Variants in ZNF66 observed in about 807,000 individuals in gnomAD.
ZNF66 encodes zinc finger protein 66, also known as putative zinc finger protein 66.
In ZNF66, 32 loss-of-function variants were observed where a neutral mutation model predicts 35.2. The observed-to-expected ratio is 0.91, with a 90% CI of 0.69 to 1.22. The LOEUF is 1.22. Ranked by LOEUF, ZNF66 falls within the 50% of genes most tolerant of loss-of-function variation. The pLI, the probability that ZNF66 is intolerant of heterozygous loss-of-function variation, is 0.00. For synonymous variants in ZNF66, 231 were observed against 181.3 expected, an observed-to-expected ratio of 1.27 and a Z score of -2.20; for missense variants, 666 against 543.1, an observed-to-expected ratio of 1.23 and a Z score of -2.25.
chr19:20,799,103 C>T (rs1292674698), intron 3 of ZNF66: 1 of 140,112 alleles, frequency 7.1e-6, no homozygotes, highest in Admixed American at 7.3e-5. Context: ...GCTCTGTTGC[C>T]CAGGCTAAAG....
chr19:20,779,347 G>A (rs912151257), intron 1 of ZNF66, among the ~76,000 whole-genome samples: 1 of 152,116 alleles, frequency 6.6e-6, no homozygotes, highest in Non-Finnish European at 1.5e-5. Flanking sequence ...TAAGAAAGGA[G>A]GTGGGAGGTG....
In ZNF66 at chr19:20,806,431, A is replaced by T. The variant is rs766428115; in HGVS notation, c.831A>T (p.Arg277Ser). 21 of 1,558,254 alleles carry T rather than the reference A, an allele frequency of 1.3e-5. 1 individual carries two copies. In the South Asian group the frequency reaches 2.2e-4, roughly 16 times the overall value. ...KRSSILTTHK[R>S]IHTGEKPYKC... ...CCTCTATCCTTACTACACATAAGAG[A>T]ATTCATACTGGAGAGAAACCCTACA... is the stretch of plus-strand genomic sequence containing the variant. Residue 277 changes from arginine to serine, a missense_variant, in exon 4 of 4, where the codon AGA becomes AGT. Arg to Ser is a moderately radical substitution (Grantham distance 110). Coordinates refer to ENST00000344519, the MANE Select transcript of ZNF66 (RefSeq NM_001355197.2).
chr19:20,801,560 A>T (rs544664235), intron 3 of ZNF66, among the ~76,000 whole-genome samples: 1 of 152,110 alleles, frequency 6.6e-6, no homozygotes, highest in South Asian at 2.1e-4. Context: ...GGCCAGGCTC[A>T]TCTTGAACTC....
chr19:20,780,186 G>A (rs1022482282), intron 1 of ZNF66, among the ~76,000 whole-genome samples: 12 of 152,152 alleles, frequency 7.9e-5, no homozygotes, highest in African/African-American at 2.7e-4. Context: ...GTCTGCCTGT[G>A]TGATAGGTAA....
chr19:20,796,663 A>G (rs1035358858), intron 3 of ZNF66, among the ~76,000 whole-genome samples: 2 of 152,154 alleles, frequency 1.3e-5, no homozygotes, highest in African/African-American at 4.8e-5. Flanking sequence ...AAAATACCAT[A>G]TATTTAAAAC....
intron 3 of ZNF66, among the ~76,000 whole-genome samples, chr19:20,801,684 G>T (rs1971448849): frequency 6.6e-6 from 1 of 151,928 alleles, no homozygotes; most frequent in African/African-American, 2.4e-5. Context: ...TGTCAACCAG[G>T]CTGATTTGCA....
At chr19:20,781,345 G>A (rs1006670673) in intron 1 of ZNF66, among the ~76,000 whole-genome samples, 1 of 152,048 alleles carries the variant, frequency 6.6e-6, no homozygotes, top group African/African-American at 2.4e-5. Context: ...ACTAAGCATA[G>A]CACCAAACAG....
rs1169204400 is a variant in ZNF66, at chr19:20,801,432, C to T, written c.227-4395C>T. Reference sequence around the variant, plus strand: ...AATCTCAGCTCACTGCAATCTTCACCTCCTGGGTTCAAGTGATTCTCCTGC... The same window carrying T: ...AATCTCAGCTCACTGCAATCTTCACTTCCTGGGTTCAAGTGATTCTCCTGC... On this transcript the variant is annotated intron_variant, in intron 3 of 3. Coordinates refer to ENST00000344519, the MANE Select transcript of ZNF66 (RefSeq NM_001355197.2). 5.3e-5 allele frequency among the ~76,000 whole-genome samples: 8 copies of T among 151,976 alleles called. No individual in the cohort carries two copies. The East Asian group carries it at 5.8e-4, about 11-fold the overall frequency.
chr19:20,792,122 T>G (rs1009286797), intron 1 of ZNF66, among the ~76,000 whole-genome samples: 3 of 151,968 alleles, frequency 2.0e-5, no homozygotes, highest in African/African-American at 7.3e-5. Flanking sequence ...ATTCCAGATC[T>G]TCTGGAAAAA....
intron 1 of ZNF66, among the ~76,000 whole-genome samples, chr19:20,781,886 A>G (rs1971248834): frequency 6.6e-6 from 1 of 151,988 alleles, no homozygotes. Context: ...TTTAATGGCC[A>G]CAGAGTATTC....
At chr19:20,791,531 G>C (rs1299721043) in intron 1 of ZNF66, among the ~76,000 whole-genome samples, 1 of 148,810 alleles carries the variant, frequency 6.7e-6, no homozygotes, top group Non-Finnish European at 1.5e-5. Flanking sequence ...AAATGTGATG[G>C]CATTTATTAC....
At chr19:20,781,990 G>C (rs1449955862) in intron 1 of ZNF66, among the ~76,000 whole-genome samples, 1 of 152,104 alleles carries the variant, frequency 6.6e-6, no homozygotes, top group African/African-American at 2.4e-5. Flanking sequence ...AGGCCAGAGT[G>C]CCATGGCGTG....
In ZNF66 at chr19:20,808,061, C is replaced by G. The variant is rs1265395859; in HGVS notation, c.*739C>G. Among the ~76,000 whole-genome samples the G allele has an allele frequency of 6.6e-6, 1 of 152,146 alleles. No individual in the cohort carries two copies. Among genetic ancestry groups the G allele is most frequent in the Admixed American group, 6.5e-5 (1 of 15,284 alleles). On this transcript the variant is annotated 3_prime_UTR_variant, in exon 4 of 4. Transcript: ENST00000344519. Reference sequence around the variant, plus strand: ...AAAAAATGGCACACCAGATTATATCCTGCAGCTGGCTCAGAGGGTCCTATG... The same window carrying G: ...AAAAAATGGCACACCAGATTATATCGTGCAGCTGGCTCAGAGGGTCCTATG...
rs141742995 is a variant in ZNF66 at position 20,808,444 on chromosome 19, A to T, written c.*1122A>T. ...CCCGAGCAGCCTAACTGGGAGGCACACCCCAGTAGGGGCAGACTGACACTT... is the reference window on the plus strand; with the variant it reads ...CCCGAGCAGCCTAACTGGGAGGCACTCCCCAGTAGGGGCAGACTGACACTT... On this transcript the variant is annotated 3_prime_UTR_variant, in exon 4 of 4. Transcript: ENST00000344519. 6.6e-6 allele frequency among the ~76,000 whole-genome samples: 1 copy of T among 152,112 alleles called. No homozygotes were observed. Among genetic ancestry groups the T allele is most frequent in the Non-Finnish European group, 1.5e-5 (1 of 68,016 alleles).
intron 3 of ZNF66, among the ~76,000 whole-genome samples, chr19:20,795,038 CT>C (rs1262319305): frequency 6.6e-6 from 1 of 151,524 alleles, no homozygotes; most frequent in Non-Finnish European, 1.5e-5. Context: ...CACCCAGCTA[CT>C]TTTTTGTATT....
Position 20,799,061 on chromosome 19 carries a change from C to CTTTTTTTTTTTTTTTTTTTTTTT in ZNF66, c.226+5186_226+5187insTTTTTTTTTTTTTTTTTTTTTTT, listed in dbSNP as rs374547894. On this transcript the variant is annotated intron_variant, in intron 3 of 3. Coordinates refer to ENST00000344519, the MANE Select transcript of ZNF66 (RefSeq NM_001355197.2). ...TTTCTTTCTTTCTTTCTTTTTCTTT[C>CTTTTTTTTTTTTTTTTTTTTTTT]TTTCTTTTTTTTTTTTTTGAGATGG... 5.1e-5 allele frequency: 6 copies of CTTTTTTTTTTTTTTTTTTTTTTT among 116,702 alleles called. 1 individual carries two copies. Among genetic ancestry groups the CTTTTTTTTTTTTTTTTTTTTTTT allele is most frequent in the Non-Finnish European group, 5.5e-5 (3 of 54,790 alleles). 7.2% of individuals were successfully genotyped at this position (116,702 alleles called of 1,614,324 possible). A position where few individuals can be genotyped will look rare whatever the true frequency, so the allele number is the denominator to read the frequency against.
In ZNF66 at chr19:20,806,207, T is replaced by G; in HGVS notation, c.607T>G (p.Cys203Gly). The G allele has an allele frequency of 3.7e-6, 5 of 1,364,542 alleles. No individual in the cohort carries two copies. The highest frequency in any genetic ancestry group is 4.2e-6 in the Non-Finnish European group (4 of 953,842). 84.5% of individuals were successfully genotyped at this position (1,364,542 alleles called of 1,614,324 possible). ...KIHTGEKPYKCIECGKAFNRS... is the reference protein window; with the variant it reads ...KIHTGEKPYKGIECGKAFNRS... ...TCATACTGGAGAGAAACCCTATAAATGTATAGAATGTGGCAAAGCCTTCAA... is the reference window on the plus strand; with the variant it reads ...TCATACTGGAGAGAAACCCTATAAAGGTATAGAATGTGGCAAAGCCTTCAA... The change falls in exon 4 of 4, where the codon TGT becomes GGT. Residue 203 changes from cysteine (C) to glycine (G), a missense_variant. Coordinates refer to ENST00000344519, the MANE Select transcript of ZNF66 (RefSeq NM_001355197.2).
chr19:20,801,018 T>TAC (rs1436320129), intron 3 of ZNF66, among the ~76,000 whole-genome samples: 1 of 152,142 alleles, frequency 6.6e-6, no homozygotes, highest in Non-Finnish European at 1.5e-5. Flanking sequence ...TATACACATA[T>TAC]ACATATAGAT....
At chr19:20,785,751 G>GTTTTTTTTT (rs1171317364) in intron 1 of ZNF66, among the ~76,000 whole-genome samples, 1 of 148,634 alleles carries the variant, frequency 6.7e-6, no homozygotes, top group African/African-American at 2.5e-5. Flanking sequence ...TTCTTTTTCT[G>GTTTTTTTTT]TTTTTGTTTG....
Sources: gnomAD v4.1 joint callset for allele counts (sites outside exome capture counted in the v4.1 genomes callset) on GRCh38, gnomAD v4.1.1 for gene constraint, MANE v1.5 for transcripts, NCBI Gene and HGNC (gene_info 2026-07-23, HGNC 2026-07-21) for gene names.